The following MTUS2 variants were observed in gnomAD, a reference collection of about 807,000 sequenced individuals.
The protein encoded by MTUS2 is microtubule-associated tumor suppressor candidate 2.
Under a neutral mutation model 114.1 loss-of-function variants are expected in MTUS2, and 40 were observed. The ratio of observed to expected loss-of-function variants is 0.35; its 90% confidence interval spans 0.27 to 0.46. The LOEUF (loss-of-function observed/expected upper bound fraction) is 0.46. Ranked by LOEUF, MTUS2 falls within the 20% of genes least tolerant of loss-of-function variation. The pLI, the probability that MTUS2 is intolerant of heterozygous loss-of-function variation, is 1.00. For synonymous variants in MTUS2, 688 were observed against 672.0 expected (o/e 1.02, Z -0.37); for missense variants, 1,679 against 1,705.4 (o/e 0.98, Z 0.27).
intron 4 of MTUS2, among the ~76,000 whole-genome samples, chr13:29,046,060 T>C (rs1024803798): frequency 6.6e-5 from 10 of 151,910 alleles, no homozygotes; most frequent in Admixed American, 5.2e-4. Context: ...CCTGCTGCCA[T>C]CTAGACACCC....
chr13:29,307,761 G>A, intron 6 of MTUS2: 1 of 1,055,588 alleles, frequency 9.5e-7, no homozygotes, highest in South Asian at 1.2e-5. Context: ...TGGACCTCAT[G>A]GCCCACATGT....
chr13:29,187,586 C>A (rs1044917944), intron 5 of MTUS2, among the ~76,000 whole-genome samples: 3 of 152,138 alleles, frequency 2.0e-5, no homozygotes, highest in Admixed American at 1.3e-4. Flanking sequence ...CATAGTTTGT[C>A]TTTTATTTCA....
chr13:28,965,770 G>A (rs780777702), intron 2 of MTUS2, among the ~76,000 whole-genome samples: 1 of 152,206 alleles, frequency 6.6e-6, no homozygotes, highest in Non-Finnish European at 1.5e-5. Flanking sequence ...CAGTCTGGAA[G>A]CAGAGTTCCT....
intron 5 of MTUS2, among the ~76,000 whole-genome samples, chr13:29,141,411 T>G (rs11620394): frequency 0.14 from 21,341 of 152,028 alleles, 1,704 homozygotes; most frequent in South Asian, 0.24. Flanking sequence ...TAGAGGACGT[T>G]TTCGGGCAGA....
chr13:29,298,742 A>G (rs1202084370), intron 6 of MTUS2, among the ~76,000 whole-genome samples: 1 of 152,150 alleles, frequency 6.6e-6, no homozygotes, highest in African/African-American at 2.4e-5. Context: ...GTAGCATATG[A>G]TATGCATTCC....
intron 2 of MTUS2, among the ~76,000 whole-genome samples, chr13:28,967,716 C>T (rs1008732657): frequency 2.6e-4 from 39 of 152,168 alleles, no homozygotes; most frequent in African/African-American, 9.2e-4. Flanking sequence ...TCAGCCACCT[C>T]ACACACACAT....
chr13:29,470,807 G>A (rs1880227543), intron 9 of MTUS2, among the ~76,000 whole-genome samples: 2 of 152,128 alleles, frequency 1.3e-5, no homozygotes, highest in Admixed American at 1.3e-4. Flanking sequence ...TCTCTCCGCA[G>A]TATGCTAGAA....
chr13:29,231,686 A>C (rs1231542846), intron 5 of MTUS2, among the ~76,000 whole-genome samples: 1 of 152,222 alleles, frequency 6.6e-6, no homozygotes, highest in Non-Finnish European at 1.5e-5. Context: ...TCACAGTTGC[A>C]ACAGCTATTT....
chr13:29,089,939 C>A (rs561012331), intron 4 of MTUS2, among the ~76,000 whole-genome samples: 6 of 152,312 alleles, frequency 3.9e-5, no homozygotes, highest in Non-Finnish European at 8.8e-5. Flanking sequence ...TTAATTTCAG[C>A]CATTTCAAAC....
intron 1 of MTUS2, among the ~76,000 whole-genome samples, chr13:28,833,361 C>T (rs1010124115): frequency 6.6e-6 from 1 of 152,096 alleles, no homozygotes; most frequent in African/African-American, 2.4e-5. Context: ...GTTTGTATAC[C>T]GTGACTAAGT....
At chr13:29,324,490 C>G in intron 6 of MTUS2, 123 bp from the exon 7 acceptor site, 1 of 671,584 alleles carries the variant, frequency 1.5e-6, no homozygotes, top group Non-Finnish European at 2.6e-6. Context: ...CAACAAATCA[C>G]CCAAATATTT....
intron 4 of MTUS2, among the ~76,000 whole-genome samples, chr13:29,068,538 C>T (rs972130743): frequency 8.6e-5 from 13 of 151,886 alleles, no homozygotes; most frequent in African/African-American, 2.9e-4. Flanking sequence ...GAACCATAAA[C>T]CAGATAGAAG....
intron 5 of MTUS2, among the ~76,000 whole-genome samples, chr13:29,157,981 T>C (rs748245742): frequency 1.2e-4 from 18 of 152,170 alleles, no homozygotes; most frequent in Admixed American, 1.2e-3. Flanking sequence ...TAAAGAAATA[T>C]GGAAAATCAG....
At chr13:29,097,867 T>C (rs1315739834) in intron 4 of MTUS2, among the ~76,000 whole-genome samples, 1 of 152,144 alleles carries the variant, frequency 6.6e-6, no homozygotes, top group Non-Finnish European at 1.5e-5. Context: ...GATTTTGGGG[T>C]TGGGGGAGAC....
chr13:29,080,301 GA>G (rs1014457505), intron 4 of MTUS2, among the ~76,000 whole-genome samples: 119 of 152,018 alleles, frequency 7.8e-4, no homozygotes, highest in African/African-American at 2.5e-3. Context: ...TAATACAGAG[GA>G]AAAAAACCCC....
At chr13:29,166,227 G>T (rs892331771) in intron 5 of MTUS2, among the ~76,000 whole-genome samples, 2 of 152,154 alleles carry the variant, frequency 1.3e-5, no homozygotes, top group Non-Finnish European at 2.9e-5. Context: ...TTTACTTCTG[G>T]ATTGGAAACA....
intron 2 of MTUS2, among the ~76,000 whole-genome samples, chr13:29,001,458 CAG>C (rs1485976850): frequency 3.9e-5 from 6 of 152,134 alleles, no homozygotes; most frequent in Non-Finnish European, 7.4e-5. Flanking sequence ...AAGGAGGAGT[CAG>C]GGGTGACTCC....
chr13:29,444,032 T>C (rs1233893479), intron 9 of MTUS2, among the ~76,000 whole-genome samples: 1 of 152,206 alleles, frequency 6.6e-6, no homozygotes, highest in Non-Finnish European at 1.5e-5. Context: ...TTAAACTGTT[T>C]CATATCCATT....
At chr13:28,886,254 T>C (rs1249757820) in intron 2 of MTUS2, among the ~76,000 whole-genome samples, 1 of 152,130 alleles carries the variant, frequency 6.6e-6, no homozygotes, top group African/African-American at 2.4e-5. Context: ...AGTGCTGTCA[T>C]CTGACTTAAT....
Sources: allele counts gnomAD v4.1 joint callset (sites outside exome capture counted in the v4.1 genomes callset), GRCh38; gene constraint gnomAD v4.1.1; transcripts MANE v1.5; gene names NCBI Gene and HGNC (gene_info 2026-07-23, HGNC 2026-07-21).